Variants in ZNF565 observed in about 807,000 individuals in gnomAD.
The protein encoded by ZNF565 is zinc finger protein 565.
ZNF565 carries 27 observed loss-of-function variants against 39.4 expected under a neutral mutation model. The ratio of observed to expected loss-of-function variants is 0.69; its 90% CI spans 0.51 to 0.95. ZNF565 has a LOEUF of 0.95. Ranked by LOEUF, ZNF565 falls within the 40% of genes least tolerant of loss-of-function variation. The probability of loss-of-function intolerance (pLI) is 0.00; values close to 1 mark genes in which losing one functional copy is unlikely to be tolerated. For missense variants in ZNF565, 524 were observed against 621.1 expected, an observed-to-expected ratio of 0.84 and a Z score of 1.66; for synonymous variants, 185 against 216.6, an observed-to-expected ratio of 0.85 and a Z score of 1.28.
chr19:36,216,251 C>G (rs572414898), upstream of ZNF565, among the ~76,000 whole-genome samples: 2 of 152,188 alleles, frequency 1.3e-5, no homozygotes, highest in South Asian at 4.1e-4. Context: ...TAGGAAAGAA[C>G]TTTAAAATAC....
intron 4 of ZNF565, among the ~76,000 whole-genome samples, chr19:36,187,592 G>A (rs1311441757): frequency 6.6e-6 from 1 of 151,242 alleles, no homozygotes; most frequent in African/African-American, 2.4e-5. Context: ...TCCTGACCTT[G>A]TGCTCCGCCC....
At chr19:36,201,910 AAC>A in intron 2 of ZNF565, 65 bp downstream of exon 2, 3 of 1,574,378 alleles carry the variant, frequency 1.9e-6, no homozygotes, top group Non-Finnish European at 2.6e-6. Flanking sequence ...CAGGATAAAG[AAC>A]ACAGTGTCCA....
At chr19:36,200,966 T>C (rs1237803132) in intron 2 of ZNF565, among the ~76,000 whole-genome samples, 1 of 151,950 alleles carries the variant, frequency 6.6e-6, no homozygotes, top group Non-Finnish European at 1.5e-5. Flanking sequence ...TAAATATATA[T>C]ATATTTGACG....
rs117409201 is a variant in ZNF565 at position 36,234,398 on chromosome 19, G to A, written c.55+11078C>T. Among the ~76,000 whole-genome samples the A allele has an allele frequency of 4.6e-3, 706 of 152,116 alleles. 17 individuals carry two copies. The East Asian group carries it at 0.05, about 11-fold the overall frequency. Reference sequence around the variant, plus strand: ...GAGCTCTCCCATATAACAAAATACCGTTTCACACCTTAGAAGATTAACCAT... The same window carrying A: ...GAGCTCTCCCATATAACAAAATACCATTTCACACCTTAGAAGATTAACCAT... On this transcript the variant is annotated intron_variant, in intron 1 of 4. Coordinates refer to the ZNF565 transcript ENST00000355114.
chr19:36,215,472 A>ATTTCTATGATTACTTTTGCAT (rs1976560997), upstream of ZNF565, among the ~76,000 whole-genome samples: 1 of 152,024 alleles, frequency 6.6e-6, no homozygotes, highest in African/African-American at 2.4e-5. Context: ...ACCAGCATTG[A>ATTTCTATGATTACTTTTGCAT]GGTATAACGT....
rs532671039 is a variant in ZNF565, at chr19:36,237,218, A to C, written c.55+8258T>G. ...GTTCTCAACCCTTGCTCTGCATTTG[A>C]GAATACACACAGGTAAGAAGCCTTA... is the stretch of plus-strand genomic sequence containing the variant. On this transcript the variant is annotated intron_variant, in intron 1 of 4. Transcript: ENST00000355114. 220 of 1,614,152 alleles carry C rather than the reference A, an allele frequency of 1.4e-4. 2 individuals are homozygous for C. In the South Asian group the frequency reaches 2.2e-3, roughly 16 times the overall value.
intron 4 of ZNF565, among the ~76,000 whole-genome samples, chr19:36,184,104 CTAT>C (rs1975203567): frequency 1.2e-5 from 1 of 82,986 alleles, no homozygotes; most frequent in Admixed American, 1.3e-4. Context: ...AAAAAAAAAA[CTAT>C]AGTAGAACAG....
chr19:36,185,886 G>A (rs1191025621), intron 4 of ZNF565, among the ~76,000 whole-genome samples: 4 of 151,528 alleles, frequency 2.6e-5, no homozygotes, highest in African/African-American at 9.7e-5. Flanking sequence ...TAGAGATGGA[G>A]TTTCACCATG....
At chr19:36,187,632 AG>A (rs1407597808) in intron 4 of ZNF565, among the ~76,000 whole-genome samples, 1 of 150,952 alleles carries the variant, frequency 6.6e-6, no homozygotes, top group African/African-American at 2.4e-5. Context: ...CTGGGATTAC[AG>A]GCATGAGCCA....
Position 36,197,822 on chromosome 19 carries a change from C to T in ZNF565, c.10-2666G>A, listed in dbSNP as rs552424423. Among the ~76,000 whole-genome samples the T allele has an allele frequency of 2.5e-4, 38 of 152,178 alleles. No homozygotes were observed. In the South Asian group the frequency reaches 7.3e-3, roughly 29 times the overall value. ...AAAATGGAGCTACCTTGTGGACCAGCGATACCACTGCTGGGTATCTACCCA... is the reference window on the plus strand; with the variant it reads ...AAAATGGAGCTACCTTGTGGACCAGTGATACCACTGCTGGGTATCTACCCA... On this transcript the variant is annotated intron_variant, in intron 2 of 4. Transcript: ENST00000304116.
intron 1 of ZNF565, chr19:36,238,412 G>T (rs1977723807): frequency 6.0e-6 from 1 of 167,068 alleles, no homozygotes; most frequent in Non-Finnish European, 1.5e-5. Context: ...AGTGTGGGAG[G>T]TGGGATGGGT....
chr19:36,189,485 T>A lies in ZNF565; in HGVS notation c.232+4748A>T, dbSNP rs1209738598. ...ATGTGCCACCATGCCCGGCTAATTT[T>A]TTTTTTTTGTACTTTTCATAGAGAT... On this transcript the variant is annotated intron_variant, in intron 4 of 4. Coordinates refer to ENST00000304116, the MANE Select transcript of ZNF565 (RefSeq NM_152477.5). Among the ~76,000 whole-genome samples the A allele has an allele frequency of 4.0e-5, 6 of 151,466 alleles. No homozygotes were observed. The East Asian group carries it at 1.2e-3, about 30-fold the overall frequency.
At chr19:36,187,511 G>A (rs941117974) in intron 4 of ZNF565, among the ~76,000 whole-genome samples, 4 of 151,848 alleles carry the variant, frequency 2.6e-5, no homozygotes, top group Non-Finnish European at 5.9e-5. Flanking sequence ...ACAGGCGCCC[G>A]TCACCACGCC....
intron 1 of ZNF565, among the ~76,000 whole-genome samples, chr19:36,220,447 C>T (rs1044783083): frequency 1.3e-5 from 2 of 152,002 alleles, no homozygotes; most frequent in Non-Finnish European, 2.9e-5. Flanking sequence ...TCACTGCAAT[C>T]TCCGCCTCCT....
At chr19:36,238,974 GCTT>G (rs768195233) in intron 1 of ZNF565, among the ~76,000 whole-genome samples, 9 of 152,062 alleles carry the variant, frequency 5.9e-5, no homozygotes, top group South Asian at 2.1e-4. Flanking sequence ...CAGGTTGTGC[GCTT>G]CTTATGAGAA....
chr19:36,237,239 C>A (rs1977676343), intron 1 of ZNF565: 1 of 1,614,050 alleles, frequency 6.2e-7, no homozygotes, highest in Non-Finnish European at 8.5e-7. Flanking sequence ...AGGTAAGAAG[C>A]CTTATCAGTG....
chr19:36,187,083 G>A (rs530679067), intron 4 of ZNF565, among the ~76,000 whole-genome samples: 10 of 151,948 alleles, frequency 6.6e-5, no homozygotes, highest in South Asian at 2.1e-4. Context: ...CCAGCTACTC[G>A]GGAGGCTGAG....
In ZNF565 at chr19:36,198,774, T is replaced by G. The variant is rs370925150; in HGVS notation, c.9+3203A>C. 5.3e-4 allele frequency among the ~76,000 whole-genome samples: 80 copies of G among 152,122 alleles called. 1 individual carries two copies. Among genetic ancestry groups the G allele is most frequent in the Middle Eastern group, 6.8e-3 (2 of 294 alleles). On this transcript the variant is annotated intron_variant, in intron 2 of 4. Coordinates refer to ENST00000304116, the MANE Select transcript of ZNF565 (RefSeq NM_152477.5). ...CCACCACGCCCAGCTAATTTTTGTA[T>G]TTTTTAGTAGAGATGGGGTTTCCTC...
intron 2 of ZNF565, among the ~76,000 whole-genome samples, chr19:36,201,741 C>T (rs1161276556): frequency 6.6e-6 from 1 of 152,082 alleles, no homozygotes; most frequent in East Asian, 1.9e-4. Flanking sequence ...TCCTAAAGTG[C>T]TGAGATTACA....
Sources: allele counts gnomAD v4.1 joint callset (sites outside exome capture counted in the v4.1 genomes callset), GRCh38; gene constraint gnomAD v4.1.1; transcripts MANE v1.5; gene names NCBI Gene and HGNC (gene_info 2026-07-23, HGNC 2026-07-21).